STON2: variants seen among roughly 807,000 people sequenced by gnomAD.
The protein encoded by STON2 is stonin 2.
Under a neutral mutation model 65.7 loss-of-function variants are expected in STON2, and 29 were observed. The ratio of observed to expected loss-of-function variants is 0.44; its 90% CI spans 0.33 to 0.60. STON2 has a LOEUF of 0.60. Ranked by LOEUF, STON2 falls within the 20% of genes least tolerant of loss-of-function variation. STON2 has a pLI of 0.03. For synonymous variants in STON2, 404 were observed against 414.2 expected (o/e 0.98, Z 0.30); for missense variants, 1,054 against 1,118.1 (o/e 0.94, Z 0.82).
chr14:81,383,426 C>G (rs775665432), intron 3 of STON2, among the ~76,000 whole-genome samples: 6 of 152,164 alleles, frequency 3.9e-5, no homozygotes, highest in African/African-American at 7.2e-5. Context: ...ATATTTTTGT[C>G]CAAATCGACT....
At chr14:81,407,843 A>G (rs1334067152) in intron 2 of STON2, among the ~76,000 whole-genome samples, 2 of 152,234 alleles carry the variant, frequency 1.3e-5, no homozygotes, top group African/African-American at 4.8e-5. Context: ...TGCACTCAGA[A>G]TTGTGCATAG....
At chr14:81,401,287 C>T (rs1343980672), upstream of STON2, among the ~76,000 whole-genome samples, 1 of 152,112 alleles carries the variant, frequency 6.6e-6, no homozygotes, top group South Asian at 2.1e-4. Context: ...TTCCTCAGAA[C>T]GTATGAACGA....
Position 81,277,983 on chromosome 14 carries a change from G to A in STON2, c.1499C>T (p.Ser500Phe), listed in dbSNP as rs760344161. The change falls in exon 6 of 8, where the codon TCC becomes TTC. Residue 500 changes from serine to phenylalanine, a missense_variant. Transcript: ENST00000614646. Reference protein sequence around the residue: ...RIPEKKNIMSSRHWGPIFVKL... With the variant: ...RIPEKKNIMSFRHWGPIFVKL... ...GACGAAGATCGGTCCCCAGTGCCTG[G>A]AGGACATGATGTTTTTCTTCTCAGG... 5.0e-6 allele frequency: 8 copies of A among 1,614,034 alleles called. No individual in the cohort carries two copies. The highest frequency in any genetic ancestry group is 1.7e-5 in the Admixed American group (1 of 59,984).
intron 4 of STON2, among the ~76,000 whole-genome samples, chr14:81,327,551 T>C (rs1897045611): frequency 6.6e-6 from 1 of 152,216 alleles, no homozygotes; most frequent in Non-Finnish European, 1.5e-5. Flanking sequence ...TGATAAGTTC[T>C]GGTATTTGTG....
chr14:81,362,588 C>T (rs1595396056), intron 4 of STON2, among the ~76,000 whole-genome samples: 1 of 152,226 alleles, frequency 6.6e-6, no homozygotes, highest in East Asian at 1.9e-4. Context: ...GTGATGAATA[C>T]AGTGACTAAT....
rs903438842 is a variant in STON2, at chr14:81,413,265, T to C, written c.-199+13837A>G. ...AAGCATGGACTGTGCCACCCACCAG[T>C]GGTCCATCCAAAAACAAGGACTGCA... On this transcript the variant is annotated intron_variant, in intron 2 of 8. Transcript: ENST00000553821. 1.1e-5 allele frequency: 17 copies of C among 1,498,154 alleles called. 2 individuals carry two copies. The highest frequency in any genetic ancestry group is 1.7e-5 in the African/African-American group (1 of 60,182). The allele number at this position is 1,498,154 out of a possible 1,614,324, so 92.8% of individuals were successfully genotyped here.
At chr14:81,325,357 T>C (rs1896969419) in intron 4 of STON2, among the ~76,000 whole-genome samples, 1 of 152,180 alleles carries the variant, frequency 6.6e-6, no homozygotes, top group Admixed American at 6.5e-5. Context: ...GGACCTACAG[T>C]GTGCCACGTT....
intron 3 of STON2, among the ~76,000 whole-genome samples, chr14:81,384,212 C>T (rs1899675112): frequency 1.3e-5 from 2 of 151,786 alleles, no homozygotes. Context: ...AGTTTGTTAC[C>T]TAACACACTT....
chr14:81,400,497 A>AAAC (rs1555406734), upstream of STON2, among the ~76,000 whole-genome samples: 4 of 148,914 alleles, frequency 2.7e-5, no homozygotes, highest in Admixed American at 1.3e-4. Context: ...AAAAAAAAAA[A>AAAC]CCCACAATAC....
chr14:81,393,321 T>C (rs190120276), intron 3 of STON2, among the ~76,000 whole-genome samples: 80 of 152,242 alleles, frequency 5.3e-4, no homozygotes, highest in African/African-American at 1.8e-3. Context: ...GGCAGCAAAG[T>C]GGAGAAAGAG....
At chr14:81,420,628 T>C (rs974361659) in intron 2 of STON2, among the ~76,000 whole-genome samples, 2 of 152,096 alleles carry the variant, frequency 1.3e-5, no homozygotes, top group Admixed American at 6.5e-5. Context: ...CTAGCCCAAT[T>C]TGGGGTCAGT....
intron 4 of STON2, among the ~76,000 whole-genome samples, chr14:81,341,458 T>TG (rs1269946982): frequency 3.7e-5 from 4 of 108,896 alleles, no homozygotes; most frequent in African/African-American, 1.9e-4. Context: ...TTTTTTTTTG[T>TG]TTTTTTTTTT....
At chr14:81,341,499 C>T (rs1400020879) in intron 4 of STON2, among the ~76,000 whole-genome samples, 14 of 139,992 alleles carry the variant, frequency 1.0e-4, no homozygotes, top group Admixed American at 3.0e-4. Context: ...ATCCTATTTC[C>T]GGGAGGTCAC....
chr14:81,376,359 T>C (rs879732393), intron 3 of STON2, among the ~76,000 whole-genome samples: 9 of 152,020 alleles, frequency 5.9e-5, no homozygotes, highest in Non-Finnish European at 8.8e-5. Flanking sequence ...TTTATACCAA[T>C]ACATAAATAC....
At position 81,278,523 on chromosome 14, in the gene STON2, G is replaced by A; in HGVS notation, c.959C>T (p.Pro320Leu). 1 of 1,614,056 alleles carries A rather than the reference G, an allele frequency of 6.2e-7. No homozygotes were observed. Among genetic ancestry groups the A allele is most frequent in the Non-Finnish European group, 8.5e-7 (1 of 1,179,966 alleles). Residue 320 changes from proline to leucine, a missense_variant, in exon 6 of 8, where the codon CCA becomes CTA. By Grantham distance (98) the Pro-to-Leu change is moderately conservative. Coordinates refer to ENST00000614646, the MANE Select transcript of STON2 (RefSeq NM_001394390.1). ...TCCCATTGAATTATAAGGTACATCT[G>A]GGATCACAGATGCACTTGGTGGTGT... The part of the protein sequence containing the change: ...PNTPPSASVI[P>L]DVPYNSMGSF...
chr14:81,331,545 A>T (rs1897215732), intron 4 of STON2, among the ~76,000 whole-genome samples: 1 of 152,194 alleles, frequency 6.6e-6, no homozygotes, highest in Admixed American at 6.5e-5. Context: ...CAAAGTTGTT[A>T]GACCCTAGAC....
chr14:81,295,033 A>C (rs951617920), intron 5 of STON2, among the ~76,000 whole-genome samples: 4 of 152,136 alleles, frequency 2.6e-5, no homozygotes, highest in African/African-American at 9.7e-5. Context: ...TTAGAAATAG[A>C]AGATCATAGG....
chr14:81,421,453 A>G (rs1901699448), intron 2 of STON2, among the ~76,000 whole-genome samples: 1 of 152,212 alleles, frequency 6.6e-6, no homozygotes, highest in East Asian at 1.9e-4. Context: ...TTTTTTAGAA[A>G]AAGGTTATTC....
intron 2 of STON2, among the ~76,000 whole-genome samples, chr14:81,423,598 G>A (rs1008098769): frequency 6.6e-6 from 1 of 152,150 alleles, no homozygotes; most frequent in South Asian, 2.1e-4. Context: ...CGGAGGATAC[G>A]TCCTTCCCTT....
Sources: gnomAD v4.1 joint callset for allele counts (sites outside exome capture counted in the v4.1 genomes callset) on GRCh38, gnomAD v4.1.1 for gene constraint, MANE v1.5 for transcripts, NCBI Gene and HGNC (gene_info 2026-07-23, HGNC 2026-07-21) for gene names.